The following CPXM2 variants were observed in gnomAD, a reference collection of about 807,000 sequenced individuals.
CPXM2 encodes the protein inactive carboxypeptidase-like protein X2.
A neutral mutation model predicts 86.1 loss-of-function variants in CPXM2; 66 were observed. The observed-to-expected ratio is 0.77, with a 90% CI of 0.63 to 0.94. The LOEUF (loss-of-function observed/expected upper bound fraction) is 0.94. Among genes scored for constraint, CPXM2 ranks in the 40% least tolerant of loss-of-function variants. The probability of loss-of-function intolerance (pLI) is 0.00; values close to 1 mark genes in which losing one functional copy is unlikely to be tolerated. For synonymous variants in CPXM2, 388 were observed against 400.2 expected (o/e 0.97, Z 0.36); for missense variants, 948 against 1,026.3 (o/e 0.92, Z 1.04).
intron 7 of CPXM2, among the ~76,000 whole-genome samples, chr10:123,773,028 C>T (rs1846685472): frequency 6.6e-6 from 1 of 151,850 alleles, no homozygotes; most frequent in South Asian, 2.1e-4. Flanking sequence ...GCATCACCTC[C>T]CTCTTTGTGG....
rs1848968935 is a variant in CPXM2 at position 123,865,959 on chromosome 10, T to C, written c.404-3236A>G. 6.6e-6 allele frequency among the ~76,000 whole-genome samples: 1 copy of C among 152,084 alleles called. No individual in the cohort carries two copies. The highest frequency in any genetic ancestry group is 2.4e-5 in the African/African-American group (1 of 41,416). ...CAGCCTCTTCTCCGTTTTTCTGTAC[T>C]GGGCCCCACAATTTCTCCCTCTCAG... On this transcript the variant is annotated intron_variant, in intron 2 of 13. Transcript: ENST00000241305. The surrounding 1 kb of genome is among the most constrained non-coding windows in gnomAD (Gnocchi z 4.7).
intron 7 of CPXM2, among the ~76,000 whole-genome samples, chr10:123,773,138 T>C (rs1324241468): frequency 6.6e-6 from 1 of 151,910 alleles, no homozygotes; most frequent in East Asian, 1.9e-4. Flanking sequence ...CCCTCCCTCA[T>C]TGTGGTTATC....
At chr10:123,777,309 G>A (rs1331210306) in intron 7 of CPXM2, 1 of 152,308 alleles carries the variant, frequency 6.6e-6, no homozygotes, top group African/African-American at 2.4e-5. Flanking sequence ...CTGGGCATTT[G>A]GGACCTGACA....
intron 13 of CPXM2, chr10:123,752,587 C>T (rs903734599): frequency 6.1e-6 from 6 of 985,240 alleles, no homozygotes; most frequent in African/African-American, 1.7e-5. Context: ...CCAAAGTCTG[C>T]TTCCTGGCAG....
At chr10:123,852,025 G>A (rs888599395) in intron 3 of CPXM2, among the ~76,000 whole-genome samples, 1 of 152,140 alleles carries the variant, frequency 6.6e-6, no homozygotes, top group Non-Finnish European at 1.5e-5. Context: ...ACGCTGGAAA[G>A]GGCAAGGAGG....
intron 3 of CPXM2, among the ~76,000 whole-genome samples, chr10:123,855,791 C>T (rs1237153436): frequency 2.0e-5 from 3 of 152,194 alleles, no homozygotes; most frequent in Non-Finnish European, 4.4e-5. Context: ...CTAGTACTGG[C>T]ATCGAGGTGC....
intron 2 of CPXM2, among the ~76,000 whole-genome samples, chr10:123,870,602 T>C (rs1944878448): frequency 6.6e-6 from 1 of 152,206 alleles, no homozygotes; most frequent in South Asian, 2.1e-4. Context: ...CTTTCTCAGA[T>C]ACCACTGGCT....
intron 9 of CPXM2, among the ~76,000 whole-genome samples, chr10:123,768,208 T>G (rs896001171): frequency 1.3e-5 from 2 of 151,962 alleles, no homozygotes; most frequent in African/African-American, 4.8e-5. Context: ...GCCAACCTCC[T>G]CTCTACTAAA....
chr10:123,904,404 C>T (rs938785134), intron 2 of CPXM2, among the ~76,000 whole-genome samples: 1 of 152,222 alleles, frequency 6.6e-6, no homozygotes, highest in Non-Finnish European at 1.5e-5. Flanking sequence ...GTCACCTCAC[C>T]TCTCTGTGCC....
At chr10:123,872,176 T>C (rs1944905669) in intron 2 of CPXM2, among the ~76,000 whole-genome samples, 1 of 152,214 alleles carries the variant, frequency 6.6e-6, no homozygotes, top group Non-Finnish European at 1.5e-5. Flanking sequence ...CCAGCAATTC[T>C]TATAGGTATA....
At chr10:123,752,221 T>C in intron 13 of CPXM2, 1 of 985,318 alleles carries the variant, frequency 1.0e-6, no homozygotes, top group Non-Finnish European at 1.2e-6. Flanking sequence ...GCAATCTACA[T>C]TTGCTGAATT....
rs749448782 is a variant in CPXM2 at position 123,761,881 on chromosome 10, C to T, written c.1768G>A (p.Val590Ile). Residue 590 changes from valine to isoleucine, a missense_variant, in exon 11 of 14, where the codon GTC becomes ATC. Val to Ile is a conservative substitution (Grantham distance 29). Coordinates refer to ENST00000241305, the MANE Select transcript of CPXM2 (RefSeq NM_198148.3). ...CCAGAGGGAGGCTTACTTCCAGCGACGGTGTGCCAGGAGGCCCCATTGACA... is the reference window on the plus strand; with the variant it reads ...CCAGAGGGAGGCTTACTTCCAGCGATGGTGTGCCAGGAGGCCCCATTGACA... ...GTVNGASWHT[V>I]AGSLNDFSYL... 84 of 1,613,164 alleles carry T rather than the reference C, an allele frequency of 5.2e-5. 1 individual carries two copies. Among genetic ancestry groups the T allele is most frequent in the Admixed American group, 8.3e-5 (5 of 59,944 alleles).
intron 2 of CPXM2, among the ~76,000 whole-genome samples, chr10:123,932,618 A>G (rs566421876): frequency 1.3e-5 from 2 of 152,238 alleles, no homozygotes; most frequent in African/African-American, 4.8e-5. Flanking sequence ...TCATTCTCAA[A>G]CTCACTCAAC....
At chr10:123,846,791 A>G (rs1201040229) in intron 3 of CPXM2, among the ~76,000 whole-genome samples, 2 of 152,194 alleles carry the variant, frequency 1.3e-5, no homozygotes, top group Non-Finnish European at 2.9e-5. Flanking sequence ...AGTATCTAAC[A>G]GAAACGTAAA....
At chr10:123,878,216 T>C (rs1334351662) in intron 2 of CPXM2, among the ~76,000 whole-genome samples, 2 of 151,844 alleles carry the variant, frequency 1.3e-5, no homozygotes, top group Admixed American at 6.6e-5. Flanking sequence ...CCTGCCTCCA[T>C]GGCCACCATC....
At chr10:123,872,167 C>T (rs1944905484) in intron 2 of CPXM2, among the ~76,000 whole-genome samples, 1 of 152,072 alleles carries the variant, frequency 6.6e-6, no homozygotes, top group Non-Finnish European at 1.5e-5. Context: ...CACTGTGATC[C>T]AGCAATTCTT....
At chr10:123,809,086 G>A (rs1246604377) in intron 4 of CPXM2, among the ~76,000 whole-genome samples, 1 of 151,966 alleles carries the variant, frequency 6.6e-6, no homozygotes, top group East Asian at 1.9e-4. Context: ...CCTTTGTCTA[G>A]CACATCCATG....
chr10:123,770,676 G>A (rs1456491576), intron 8 of CPXM2, among the ~76,000 whole-genome samples: 1 of 152,230 alleles, frequency 6.6e-6, no homozygotes, highest in Admixed American at 6.5e-5. Context: ...GACAGAGAAT[G>A]AAATATGCTC....
At chr10:123,883,294 T>G (rs568555400) in intron 1 of CPXM2, among the ~76,000 whole-genome samples, 7 of 152,314 alleles carry the variant, frequency 4.6e-5, no homozygotes, top group Admixed American at 4.6e-4. Context: ...GCCCAGCACC[T>G]TCGCTGGGGA....
Sources: gnomAD v4.1 joint callset for allele counts (sites outside exome capture counted in the v4.1 genomes callset) on GRCh38, gnomAD v4.1.1 for gene constraint, Gnocchi (gnomAD v3.1) non-coding constraint, MANE v1.5 for transcripts, NCBI Gene and HGNC (gene_info 2026-07-23, HGNC 2026-07-21) for gene names.